RFC1: variants seen among roughly 807,000 people sequenced by gnomAD.
The protein encoded by RFC1 is A1 140 kDa subunit.
RFC1 carries 37 observed loss-of-function variants against 137.4 expected under a neutral mutation model. The observed-to-expected ratio is 0.27, with a 90% CI of 0.21 to 0.35. RFC1 has a LOEUF of 0.35. Ranked by LOEUF, RFC1 falls within the 10% of genes least tolerant of loss-of-function variation. The pLI, the probability that RFC1 is intolerant of heterozygous loss-of-function variation, is 1.00. For synonymous variants in RFC1, 429 were observed against 455.7 expected, an observed-to-expected ratio of 0.94 and a Z score of 0.75; for missense variants, 1,205 against 1,358.5, an observed-to-expected ratio of 0.89 and a Z score of 1.78.
chr4:39,316,021 G>T (rs980336125), intron 10 of RFC1, among the ~76,000 whole-genome samples: 1 of 151,906 alleles, frequency 6.6e-6, no homozygotes. Flanking sequence ...ACCTGAGGTC[G>T]AGAGTTCGAG....
At chr4:39,305,079 A>G in intron 14 of RFC1, 151 bp from the exon 15 acceptor site, 2 of 643,446 alleles carry the variant, frequency 3.1e-6, no homozygotes, top group Non-Finnish European at 5.6e-6. Context: ...AGACAATGAG[A>G]TTAACTATAG....
In RFC1 at chr4:39,333,560, C is replaced by T. The variant is rs560319971; in HGVS notation, c.332-5804G>A. Among the ~76,000 whole-genome samples, 18 of 150,912 alleles carry T rather than the reference C, an allele frequency of 1.2e-4. No homozygotes were observed. In the South Asian group the frequency reaches 2.9e-3, roughly 25 times the overall value. On this transcript the variant is annotated intron_variant, in intron 4 of 24. Coordinates refer to ENST00000349703, the MANE Select transcript of RFC1 (RefSeq NM_002913.5). ...GCCATCAAAAATTAAGCCCAAATTT[C>T]GAGGCTGAAAAAAAAAAACCTCATG...
chr4:39,318,258 T>C (rs866998326), intron 9 of RFC1, among the ~76,000 whole-genome samples: 3 of 152,210 alleles, frequency 2.0e-5, no homozygotes, highest in Non-Finnish European at 4.4e-5. Context: ...TAACCCTACT[T>C]TCTAACAATG....
At chr4:39,354,193 C>T (rs1741346780) in intron 1 of RFC1, among the ~76,000 whole-genome samples, 1 of 152,296 alleles carries the variant, frequency 6.6e-6, no homozygotes, top group South Asian at 2.1e-4. Context: ...AAAATCAAAG[C>T]TTTTAGAAAA....
In RFC1 at chr4:39,295,776, TG is replaced by T; in HGVS notation, c.2809-18del. 1 of 1,606,218 alleles carries T rather than the reference TG, an allele frequency of 6.2e-7. No homozygotes were observed. Among genetic ancestry groups the T allele is most frequent in the Non-Finnish European group, 8.5e-7 (1 of 1,176,286 alleles). ...ATAAATGGCCTGAAAAAAAATCAAT[TG>T]CAGTCCAGAATTTATGTTCCGTACA... On this transcript the variant is annotated intron_variant, in intron 21 of 24. Coordinates refer to ENST00000349703, the MANE Select transcript of RFC1 (RefSeq NM_002913.5).
At chr4:39,366,119 A>T in intron 1 of RFC1, 120 bp downstream of exon 1, 1 of 1,117,976 alleles carries the variant, frequency 8.9e-7, no homozygotes, top group Non-Finnish European at 1.2e-6. Context: ...TGCCTTTGCT[A>T]GCCTCCGGAA....
chr4:39,330,885 T>C (rs1560610125), intron 4 of RFC1, among the ~76,000 whole-genome samples: 1 of 152,006 alleles, frequency 6.6e-6, no homozygotes, highest in Non-Finnish European at 1.5e-5. Flanking sequence ...CAGACTAGGT[T>C]CAGTCATTCA....
Position 39,366,325 on chromosome 4 carries a change from C to T in RFC1, c.-84G>A. On this transcript the variant is annotated 5_prime_UTR_variant, in exon 1 of 25. Coordinates refer to ENST00000349703, the MANE Select transcript of RFC1 (RefSeq NM_002913.5). ...TATCGAGGCTCAGGATCCATTCGCGCCAACAACTTCTCCCGCGAAGTGCAA... is the reference window on the plus strand; with the variant it reads ...TATCGAGGCTCAGGATCCATTCGCGTCAACAACTTCTCCCGCGAAGTGCAA... The T allele has an allele frequency of 9.4e-6, 13 of 1,383,298 alleles. No individual in the cohort carries two copies. The highest frequency in any genetic ancestry group is 1.0e-5 in the Non-Finnish European group (11 of 1,053,074). The allele number at this position is 1,383,298 out of a possible 1,614,324, so 85.7% of individuals were successfully genotyped here.
chr4:39,303,653 C>T (rs567447405), intron 15 of RFC1, among the ~76,000 whole-genome samples: 1 of 152,336 alleles, frequency 6.6e-6, no homozygotes, highest in East Asian at 1.9e-4. Flanking sequence ...GGTGTTTCAC[C>T]ATGTTGACCA....
intron 7 of RFC1, among the ~76,000 whole-genome samples, chr4:39,322,561 G>T (rs948668752): frequency 6.6e-6 from 1 of 152,096 alleles, no homozygotes; most frequent in Admixed American, 6.5e-5. Flanking sequence ...TGTTCCAAAA[G>T]AATTTTTATG....
intron 12 of RFC1, 57 bp from the exon 13 acceptor site, chr4:39,309,089 A>C: frequency 6.6e-7 from 1 of 1,522,642 alleles, no homozygotes; most frequent in East Asian, 2.2e-5. Flanking sequence ...CAGAATTTCT[A>C]TCCTGCTAAA....
chr4:39,294,353 G>C (rs941430872), intron 22 of RFC1, among the ~76,000 whole-genome samples: 5 of 152,218 alleles, frequency 3.3e-5, no homozygotes, highest in Admixed American at 3.3e-4. Context: ...GGCAAATTAA[G>C]ATCACTCAAG....
At chr4:39,289,346 G>A (rs1456686625) in intron 24 of RFC1, among the ~76,000 whole-genome samples, 1 of 152,166 alleles carries the variant, frequency 6.6e-6, no homozygotes, top group Admixed American at 6.5e-5. Context: ...GAAATGAAGG[G>A]CAAGAAGCAC....
chr4:39,323,500 T>C (rs886716182), intron 6 of RFC1, 83 bp from the exon 7 acceptor site: 8 of 1,077,966 alleles, frequency 7.4e-6, no homozygotes, highest in Admixed American at 4.3e-5. Context: ...TTCATATATT[T>C]AGAAGAAACT....
intron 1 of RFC1, among the ~76,000 whole-genome samples, chr4:39,352,736 A>C (rs1359270527): frequency 6.6e-6 from 1 of 152,212 alleles, no homozygotes; most frequent in African/African-American, 2.4e-5. Flanking sequence ...GTTTATCATT[A>C]TCTCTGCTTA....
At chr4:39,366,029 C>A (rs1340928653) in intron 1 of RFC1, among the ~76,000 whole-genome samples, 2 of 152,202 alleles carry the variant, frequency 1.3e-5, no homozygotes, top group African/African-American at 4.8e-5. Flanking sequence ...AAAATCCCTG[C>A]GCGCTGGCTG....
intron 4 of RFC1, among the ~76,000 whole-genome samples, chr4:39,330,455 T>A (rs1740039133): frequency 6.6e-6 from 1 of 152,116 alleles, no homozygotes; most frequent in South Asian, 2.1e-4. Context: ...GCACATTTTC[T>A]CTAATAATTT....
At chr4:39,307,074 A>G (rs1162587067) in intron 13 of RFC1, among the ~76,000 whole-genome samples, 1 of 152,184 alleles carries the variant, frequency 6.6e-6, no homozygotes, top group Admixed American at 6.5e-5. Flanking sequence ...GAAGTGACTT[A>G]GCCCCTCTGT....
At chr4:39,353,207 C>T (rs1741294511) in intron 1 of RFC1, among the ~76,000 whole-genome samples, 1 of 151,858 alleles carries the variant, frequency 6.6e-6, no homozygotes, top group African/African-American at 2.4e-5. Context: ...TCAAGACCAG[C>T]CTGGTCAACA....
Sources: gnomAD v4.1 joint callset for allele counts (sites outside exome capture counted in the v4.1 genomes callset) on GRCh38, gnomAD v4.1.1 for gene constraint, MANE v1.5 for transcripts, NCBI Gene and HGNC (gene_info 2026-07-23, HGNC 2026-07-21) for gene names.